Variants in PATJ observed in about 807,000 individuals in gnomAD.
PATJ encodes PATJ crumbs cell polarity complex component, also known as inaD-like protein.
A neutral mutation model predicts 224.9 loss-of-function variants in PATJ; 190 were observed. The observed-to-expected ratio is 0.84, with a 90% CI of 0.75 to 0.95. PATJ has a LOEUF of 0.95. Ranked by LOEUF, PATJ falls within the 40% of genes least tolerant of loss-of-function variation. PATJ has a pLI of 0.00. For synonymous variants in PATJ, 769 were observed against 820.3 expected (o/e 0.94, Z 1.07); for missense variants, 2,121 against 2,270.3 (o/e 0.93, Z 1.34).
At chr1:61,933,748 T>C (rs1676387069) in intron 27 of PATJ, among the ~76,000 whole-genome samples, 1 of 152,156 alleles carries the variant, frequency 6.6e-6, no homozygotes, top group South Asian at 2.1e-4. Flanking sequence ...AAATAAAATG[T>C]TATGTCTTCT....
At chr1:61,920,180 C>T (rs1674078786) in intron 26 of PATJ, among the ~76,000 whole-genome samples, 1 of 152,050 alleles carries the variant, frequency 6.6e-6, no homozygotes, top group African/African-American at 2.4e-5. Context: ...GGAAATTGGC[C>T]CTTTTATTAA....
intron 28 of PATJ, among the ~76,000 whole-genome samples, chr1:61,995,917 G>T (rs1645326126): frequency 6.6e-6 from 1 of 152,200 alleles, no homozygotes; most frequent in Admixed American, 6.5e-5. Flanking sequence ...ATGGTGCTGT[G>T]CAGGGAATTG....
intron 33 of PATJ, among the ~76,000 whole-genome samples, chr1:62,095,176 T>G (rs1661252631): frequency 6.6e-6 from 1 of 152,200 alleles, no homozygotes; most frequent in Non-Finnish European, 1.5e-5. Context: ...GTAGATTGAA[T>G]GTACACTTGA....
chr1:62,143,565 C>T (rs192098151), intron 41 of PATJ, among the ~76,000 whole-genome samples: 12 of 150,902 alleles, frequency 8.0e-5, no homozygotes, highest in African/African-American at 2.4e-4. Context: ...ATTCTCCTGC[C>T]TCAGCCTCCC....
At chr1:62,026,061 T>C (rs1018794493) in intron 29 of PATJ, among the ~76,000 whole-genome samples, 2 of 152,208 alleles carry the variant, frequency 1.3e-5, no homozygotes, top group Non-Finnish European at 2.9e-5. Flanking sequence ...CATTAGTAAT[T>C]GACATTGTTT....
chr1:61,942,318 A>G (rs1159849413), intron 27 of PATJ, among the ~76,000 whole-genome samples: 1 of 152,184 alleles, frequency 6.6e-6, no homozygotes, highest in Non-Finnish European at 1.5e-5. Flanking sequence ...AAAACAACTA[A>G]CTCAATTTTT....
At chr1:61,750,633 G>T (rs1342387375) in intron 1 of PATJ, among the ~76,000 whole-genome samples, 1 of 151,814 alleles carries the variant, frequency 6.6e-6, no homozygotes, top group East Asian at 1.9e-4. Context: ...AGAGACGGGG[G>T]TTTCTCCATG....
chr1:62,156,956 A>G (rs1238966888), intron 43 of PATJ, among the ~76,000 whole-genome samples: 9 of 152,142 alleles, frequency 5.9e-5, no homozygotes, highest in Non-Finnish European at 1.3e-4. Flanking sequence ...TACCAAAAAG[A>G]TCACATGAAA....
At chr1:61,759,824 G>A (rs1477206543) in intron 1 of PATJ, among the ~76,000 whole-genome samples, 1 of 152,172 alleles carries the variant, frequency 6.6e-6, no homozygotes, top group Non-Finnish European at 1.5e-5. Context: ...GTGACACTCA[G>A]AAGTAAAAAT....
At chr1:61,880,207 T>C (rs1296972094) in intron 21 of PATJ, among the ~76,000 whole-genome samples, 1 of 152,238 alleles carries the variant, frequency 6.6e-6, no homozygotes, top group Non-Finnish European at 1.5e-5. Context: ...TCATGCTGTG[T>C]TCATTCTGTA....
chr1:62,161,056 C>T lies in PATJ; in HGVS notation c.*2C>T, dbSNP rs1293203912. 2.7e-6 allele frequency: 4 copies of T among 1,503,348 alleles called. No homozygotes were observed. The African/African-American group carries it at 5.5e-5, about 21-fold the overall frequency. The allele number at this position is 1,503,348 out of a possible 1,614,324, so 93.1% of individuals were successfully genotyped here. On this transcript the variant is annotated 3_prime_UTR_variant, in exon 44 of 44. Transcript: ENST00000642238. ...GTAACCTTAACTGTGCTGTCATGAG[C>T]CTCGGGCCTGATCACAAGATAGATG...
rs1173186922 is a variant in PATJ, at chr1:61,813,941, G to A, written c.1683+5411G>A. The stretch of plus-strand genomic sequence containing the variant: ...AAGATATAAGAAATGGCCAATAAAT[G>A]GTAGTTTTGTTTCCCAGTTATATGC... On this transcript the variant is annotated intron_variant, in intron 14 of 43. Transcript: ENST00000642238. Among the ~76,000 whole-genome samples the A allele has an allele frequency of 2.6e-5, 4 of 152,066 alleles. No homozygotes were observed. The East Asian group carries it at 7.7e-4, about 29-fold the overall frequency.
At chr1:62,124,685 C>G (rs962365454) in intron 39 of PATJ, among the ~76,000 whole-genome samples, 19 of 152,074 alleles carry the variant, frequency 1.2e-4, no homozygotes, top group Non-Finnish European at 2.2e-4. Context: ...TTCCTGAGGC[C>G]CCCCTCCTTG....
At chr1:62,044,018 A>T (rs2148545569) in intron 30 of PATJ, among the ~76,000 whole-genome samples, 1 of 152,300 alleles carries the variant, frequency 6.6e-6, no homozygotes, top group East Asian at 1.9e-4. Context: ...GAGCCACTGC[A>T]CCTGGCCAAC....
chr1:61,911,370 C>T (rs977213058), intron 25 of PATJ, among the ~76,000 whole-genome samples: 3 of 152,200 alleles, frequency 2.0e-5, no homozygotes, highest in Non-Finnish European at 2.9e-5. Flanking sequence ...CATGCCACCA[C>T]GCTCAGCTAA....
intron 7 of PATJ, among the ~76,000 whole-genome samples, chr1:61,778,986 A>G (rs1647092036): frequency 6.6e-6 from 1 of 152,210 alleles, no homozygotes; most frequent in South Asian, 2.1e-4. Context: ...GGTGTGAGCC[A>G]TCAAGCCTGG....
At chr1:62,081,637 G>A (rs771969966) in intron 32 of PATJ, among the ~76,000 whole-genome samples, 2 of 151,554 alleles carry the variant, frequency 1.3e-5, no homozygotes, top group Non-Finnish European at 2.9e-5. Flanking sequence ...GTGTGATCTC[G>A]GCTCACTGCA....
At chr1:61,877,009 C>T (rs765623296) in intron 21 of PATJ, among the ~76,000 whole-genome samples, 26 of 152,104 alleles carry the variant, frequency 1.7e-4, no homozygotes, top group Non-Finnish European at 3.2e-4. Context: ...AGACAGAAGG[C>T]AGTTCTGTTT....
intron 21 of PATJ, among the ~76,000 whole-genome samples, chr1:61,882,756 A>T (rs1212241209): frequency 6.6e-6 from 1 of 151,984 alleles, no homozygotes; most frequent in African/African-American, 2.4e-5. Context: ...TGGCTAATGG[A>T]GTTTCACCAT....
Sources: allele counts gnomAD v4.1 joint callset (sites outside exome capture counted in the v4.1 genomes callset), GRCh38; gene constraint gnomAD v4.1.1; transcripts MANE v1.5; gene names NCBI Gene and HGNC (gene_info 2026-07-23, HGNC 2026-07-21).